Variants in VPS13A observed in about 807,000 individuals in gnomAD.
VPS13A encodes intermembrane lipid transfer protein VPS13A.
A neutral mutation model predicts 390.9 loss-of-function variants in VPS13A; 264 were observed. The observed-to-expected ratio is 0.68, with a 90% CI of 0.61 to 0.75. The LOEUF (loss-of-function observed/expected upper bound fraction) is 0.75, where lower values mean the gene tolerates loss of function less well. Among genes scored for constraint, VPS13A ranks in the 30% least tolerant of loss-of-function variants. VPS13A has a pLI of 0.00. For missense variants in VPS13A, 3,409 were observed against 3,733.9 expected (o/e 0.91, Z 2.27); for synonymous variants, 1,231 against 1,227.1 (o/e 1.00, Z -0.07).
chr9:77,260,904 A>T (rs1825724571), intron 23 of VPS13A, among the ~76,000 whole-genome samples: 1 of 144,198 alleles, frequency 6.9e-6, no homozygotes, highest in East Asian at 2.0e-4. Context: ...GTATATATTC[A>T]TTTTTTTTTT....
intron 3 of VPS13A, among the ~76,000 whole-genome samples, chr9:77,203,317 C>A (rs1351587680): frequency 6.6e-6 from 1 of 152,186 alleles, no homozygotes; most frequent in Admixed American, 6.5e-5. Context: ...GAGACAGCAT[C>A]TTGCTCTGTT....
In VPS13A at chr9:77,367,727, T is replaced by C. The variant is rs144083388; in HGVS notation, c.8472-328T>C. 5.8e-3 allele frequency among the ~76,000 whole-genome samples: 876 copies of C among 152,302 alleles called. 12 individuals are homozygous for C. The highest frequency in any genetic ancestry group is 0.02 in the African/African-American group (845 of 41,574). On this transcript the variant is annotated intron_variant, in intron 61 of 71. Transcript: ENST00000360280. ...TGTCAGACATTTTCTATGTGGGCCA[T>C]GATAGGACAGAATTGGGAAATAAAG...
At chr9:77,197,942 G>A (rs150344792) in intron 1 of VPS13A, among the ~76,000 whole-genome samples, 133 of 152,248 alleles carry the variant, frequency 8.7e-4, no homozygotes, top group Admixed American at 4.6e-3. Flanking sequence ...TCACACGTAA[G>A]TTGTTAACAG....
At chr9:77,228,413 T>A (rs1254419911) in intron 17 of VPS13A, 149 bp downstream of exon 17, 1 of 692,730 alleles carries the variant, frequency 1.4e-6, no homozygotes. Context: ...TTTTTAATTG[T>A]TAAGATAATA....
chr9:77,367,023 C>A, intron 61 of VPS13A, 151 bp downstream of exon 61: 1 of 677,590 alleles, frequency 1.5e-6, no homozygotes, highest in Non-Finnish European at 2.4e-6. Flanking sequence ...ATCTGAATAA[C>A]ACCAACGTAT....
At chr9:77,352,567 C>T (rs1386053499) in intron 53 of VPS13A, among the ~76,000 whole-genome samples, 1 of 152,074 alleles carries the variant, frequency 6.6e-6, no homozygotes, top group Non-Finnish European at 1.5e-5. Flanking sequence ...TAGTACTTTG[C>T]ATATTTATAT....
chr9:77,221,128 A>G (rs1159679857), intron 12 of VPS13A, 57 bp from the exon 13 acceptor site: 5 of 1,508,906 alleles, frequency 3.3e-6, no homozygotes, highest in Non-Finnish European at 4.6e-6. Context: ...AAGCAATGTC[A>G]GTAATGTTTC....
intron 46 of VPS13A, 119 bp from the exon 47 acceptor site, chr9:77,337,136 A>G (rs965891715): frequency 9.3e-7 from 1 of 1,069,936 alleles, no homozygotes; most frequent in African/African-American, 1.6e-5. Context: ...ATATGAAAAT[A>G]TAAAAATGTA....
chr9:77,219,420 A>C (rs907603288), intron 10 of VPS13A, among the ~76,000 whole-genome samples: 1 of 152,148 alleles, frequency 6.6e-6, no homozygotes, highest in Admixed American at 6.5e-5. Context: ...CACCAAACAC[A>C]AAGAGTTGAG....
At position 77,233,729 on chromosome 9, in the gene VPS13A, A is replaced by G. The variant is rs1372704565; in HGVS notation, c.1596-4273A>G. On this transcript the variant is annotated intron_variant, in intron 17 of 71. Transcript: ENST00000360280. ...TTCAGTTTTTCTTCTATTGAGTTCTAATTTGATTCCATTGTGGTTGGAGAA... is the reference window on the plus strand; with the variant it reads ...TTCAGTTTTTCTTCTATTGAGTTCTGATTTGATTCCATTGTGGTTGGAGAA... Among the ~76,000 whole-genome samples, 4 of 151,676 alleles carry G rather than the reference A, an allele frequency of 2.6e-5. No individual in the cohort carries two copies. In the East Asian group the frequency reaches 7.7e-4, roughly 29 times the overall value.
At chr9:77,318,064 TAAC>T (rs532417699) in intron 40 of VPS13A, among the ~76,000 whole-genome samples, 168 bp from the exon 41 acceptor site, 6 of 151,918 alleles carry the variant, frequency 3.9e-5, no homozygotes, top group Admixed American at 6.6e-5. Flanking sequence ...TGTAAACACA[TAAC>T]AAGAATTATG....
chr9:77,283,521 A>C (rs765282034), intron 30 of VPS13A, 26 bp from the exon 31 acceptor site: 1 of 1,606,772 alleles, frequency 6.2e-7, no homozygotes, highest in East Asian at 2.2e-5. Context: ...ATGAAAGAAA[A>C]GGCAGTCATT....
In VPS13A at chr9:77,323,091, A is replaced by T; in HGVS notation, c.5855A>T (p.Asp1952Val). 1.2e-6 allele frequency: 2 copies of T among 1,612,896 alleles called. No individual in the cohort carries two copies. Among genetic ancestry groups the T allele is most frequent in the Non-Finnish European group, 1.7e-6 (2 of 1,179,162 alleles). Residue 1952 changes from aspartate to valine, a missense_variant, in exon 45 of 72, where the codon GAT becomes GTT. Physicochemically the swap from Asp to Val is radical, Grantham distance 152. Around this residue, in one of 5 missense-constraint regions of VPS13A, gnomAD observed 2,717 missense variants for 2,917.4 expected, o/e 0.93. Transcript: ENST00000360280. ...GCACCTGTTAACCATTCTACTGCTG[A>T]TAAGATTCCTTTAACAAAAGTGGGA... ...LLTPVNHSTA[D>V]KIPLTKVGRR...
chr9:77,214,464 G>A lies in VPS13A; in HGVS notation c.754+78G>A. ...TTAAATTAGCATTGTTGCTATCACT[G>A]TGCTAGTTCCTGTTAAATTTCCTTC... On this transcript the variant is annotated intron_variant, in intron 10 of 71. Transcript: ENST00000360280. 3.4e-6 allele frequency: 4 copies of A among 1,171,476 alleles called. No homozygotes were observed. The South Asian group carries it at 5.1e-5, about 15-fold the overall frequency. 72.6% of individuals were successfully genotyped at this position (1,171,476 alleles called of 1,614,324 possible).
At position 77,403,916 on chromosome 9, in the gene VPS13A, G is replaced by A. The variant is rs571634072; in HGVS notation, c.9275+595G>A. The stretch of plus-strand genomic sequence containing the variant: ...GTGGAGAGTGAAAATACGGCTAGCA[G>A]GGAGAAGTTAGAGCTAAATAGAAAT... On this transcript the variant is annotated intron_variant, in intron 69 of 71. Transcript: ENST00000360280. 2.5e-4 allele frequency among the ~76,000 whole-genome samples: 38 copies of A among 152,270 alleles called. 1 individual carries two copies. The South Asian group carries it at 5.8e-3, about 23-fold the overall frequency.
At chr9:77,303,398 A>G (rs1382050705) in intron 34 of VPS13A, among the ~76,000 whole-genome samples, 1 of 152,048 alleles carries the variant, frequency 6.6e-6, no homozygotes, top group Non-Finnish European at 1.5e-5. Context: ...TAAAATAGTT[A>G]TAAATTGTGG....
At chr9:77,410,269 C>G (rs1484241203) in intron 71 of VPS13A, among the ~76,000 whole-genome samples, 1 of 152,160 alleles carries the variant, frequency 6.6e-6, no homozygotes, top group Non-Finnish European at 1.5e-5. Flanking sequence ...ACCACCAGGC[C>G]TGCCCTAAAA....
In VPS13A at chr9:77,255,264, G is replaced by T. The variant is rs77393466; in HGVS notation, c.2288+2912G>T. Among the ~76,000 whole-genome samples, 881 of 152,150 alleles carry T rather than the reference G, an allele frequency of 5.8e-3. 8 individuals are homozygous for T. The highest frequency in any genetic ancestry group is 0.02 in the Middle Eastern group (6 of 294). On this transcript the variant is annotated intron_variant, in intron 22 of 71. Coordinates refer to ENST00000360280, the MANE Select transcript of VPS13A (RefSeq NM_033305.3). ...ATGATCATGTGATCATGTAAAAAAT[G>T]ATCAAGATGATTTTTTTCCTTCATT...
rs377234046 is a variant in VPS13A, at chr9:77,219,947, T to C, written c.755-7T>C. The C allele has an allele frequency of 6.8e-6, 11 of 1,613,194 alleles. No homozygotes were observed. In the African/African-American group the frequency reaches 1.5e-4, roughly 22 times the overall value. On this transcript the variant is annotated splice_region_variant and splice_polypyrimidine_tract_variant and intron_variant, in intron 10 of 71. Coordinates refer to ENST00000360280, the MANE Select transcript of VPS13A (RefSeq NM_033305.3). The stretch of plus-strand genomic sequence containing the variant: ...TCAGTTTTTTTTCCATTTTTATTAT[T>C]TTTCAGTATTTCGTCCCATATCTGC...
Sources: allele counts gnomAD v4.1 joint callset (sites outside exome capture counted in the v4.1 genomes callset), GRCh38; gene constraint gnomAD v4.1.1; regional missense constraint gnomAD v4.1.1; transcripts MANE v1.5; gene names NCBI Gene and HGNC (gene_info 2026-07-23, HGNC 2026-07-21).